Variants in POU6F2 observed in about 807,000 individuals in gnomAD.
POU6F2 encodes the protein POU class 6 homeobox 2.
POU6F2 carries 31 observed loss-of-function variants against 71.3 expected under a neutral mutation model. The ratio of observed to expected loss-of-function variants is 0.43; its 90% confidence interval spans 0.33 to 0.59. The LOEUF (loss-of-function observed/expected upper bound fraction) is 0.59. Among genes scored for constraint, POU6F2 ranks in the 20% least tolerant of loss-of-function variants. The probability of loss-of-function intolerance (pLI) is 0.04; values close to 1 mark genes in which losing one functional copy is unlikely to be tolerated. For synonymous variants in POU6F2, 347 were observed against 355.7 expected, an observed-to-expected ratio of 0.98 and a Z score of 0.27; for missense variants, 783 against 856.8, an observed-to-expected ratio of 0.91 and a Z score of 1.07.
intron 4 of POU6F2, among the ~76,000 whole-genome samples, chr7:39,219,966 C>CT (rs1794316016): frequency 1.3e-5 from 2 of 152,180 alleles, no homozygotes; most frequent in African/African-American, 4.8e-5. Flanking sequence ...AAAATTTATA[C>CT]TTCCATATAT....
At chr7:39,139,808 A>T (rs1255761419) in intron 2 of POU6F2, among the ~76,000 whole-genome samples, 1 of 152,130 alleles carries the variant, frequency 6.6e-6, no homozygotes, top group Non-Finnish European at 1.5e-5. Flanking sequence ...TGACTTCTTG[A>T]TTTGCAGATT....
intron 2 of POU6F2, among the ~76,000 whole-genome samples, chr7:39,184,702 A>C (rs979652841): frequency 6.6e-6 from 1 of 152,208 alleles, no homozygotes; most frequent in African/African-American, 2.4e-5. Flanking sequence ...ACTCTGACTT[A>C]CAAGACATTT....
intron 1 of POU6F2, among the ~76,000 whole-genome samples, chr7:38,999,499 C>A (rs1344554509): frequency 6.6e-6 from 1 of 152,116 alleles, no homozygotes; most frequent in African/African-American, 2.4e-5. Flanking sequence ...TATGTGGTGT[C>A]AACTTTCATG....
intron 2 of POU6F2, among the ~76,000 whole-genome samples, chr7:39,143,892 T>C (rs554297290): frequency 3.9e-5 from 6 of 152,286 alleles, no homozygotes; most frequent in African/African-American, 1.4e-4. Flanking sequence ...TCCTGAGAAA[T>C]CTTCAAAAGA....
chr7:39,000,182 G>A (rs781234315), intron 1 of POU6F2, among the ~76,000 whole-genome samples: 14 of 152,174 alleles, frequency 9.2e-5, no homozygotes, highest in Non-Finnish European at 1.6e-4. Flanking sequence ...GTGCCAGCAA[G>A]CATGTTTGGG....
intron 1 of POU6F2, among the ~76,000 whole-genome samples, chr7:39,045,003 C>T (rs1380516601): frequency 6.6e-6 from 1 of 151,844 alleles, no homozygotes; most frequent in Non-Finnish European, 1.5e-5. Context: ...ATCAATTTTG[C>T]AATGCTTCTT....
intron 4 of POU6F2, among the ~76,000 whole-genome samples, chr7:39,216,966 T>A (rs1794255815): frequency 6.6e-6 from 1 of 151,436 alleles, no homozygotes; most frequent in East Asian, 1.9e-4. Flanking sequence ...AGGGAGGAAA[T>A]GATAAAAGAT....
intron 5 of POU6F2, among the ~76,000 whole-genome samples, chr7:39,390,048 G>T (rs183179600): frequency 6.6e-6 from 1 of 152,266 alleles, no homozygotes; most frequent in East Asian, 1.9e-4. Flanking sequence ...TGCTACATCA[G>T]GTAGGTAGTG....
chr7:39,090,012 T>G (rs1187245724), intron 2 of POU6F2, among the ~76,000 whole-genome samples: 3 of 152,042 alleles, frequency 2.0e-5, no homozygotes, highest in Non-Finnish European at 2.9e-5. Flanking sequence ...AGCCTTGAGC[T>G]GAGATGGAAC....
chr7:39,096,572 A>G (rs573598651), intron 2 of POU6F2, among the ~76,000 whole-genome samples: 129 of 152,320 alleles, frequency 8.5e-4, no homozygotes, highest in African/African-American at 2.7e-3. Context: ...TTTTTTATCA[A>G]ATGGCCCACA....
intron 2 of POU6F2, among the ~76,000 whole-genome samples, chr7:39,188,605 G>C (rs1182505192): frequency 6.6e-6 from 1 of 152,208 alleles, no homozygotes; most frequent in Non-Finnish European, 1.5e-5. Flanking sequence ...GAGCCACCAT[G>C]CTGGGCCAGA....
chr7:39,265,390 A>G (rs2128755472), intron 4 of POU6F2, among the ~76,000 whole-genome samples: 1 of 152,328 alleles, frequency 6.6e-6, no homozygotes, highest in East Asian at 1.9e-4. Context: ...CTTCCCTCAG[A>G]GAGAAAACCA....
In POU6F2 at chr7:39,451,679, G is replaced by A; in HGVS notation, c.1467G>A (p.Leu489=). The change falls in exon 8 of 10, where the codon TTG becomes TTA. Residue 489 remains leucine, a synonymous_variant. Transcript: ENST00000518318. ...SSSSSSSSSA[L]SVGQLVSNPQ... Reference sequence around the variant, plus strand: ...CCTCATCCTCCTCTTCTTCAGCTTTGAGCGTGGGCCAGTTAGTCAGCAGTA... The same window carrying A: ...CCTCATCCTCCTCTTCTTCAGCTTTAAGCGTGGGCCAGTTAGTCAGCAGTA... The A allele has an allele frequency of 6.2e-7, 1 of 1,601,898 alleles. No homozygotes were observed. The highest frequency in any genetic ancestry group is 8.5e-7 in the Non-Finnish European group (1 of 1,174,074).
intron 4 of POU6F2, among the ~76,000 whole-genome samples, chr7:39,247,041 A>G (rs1321535070): frequency 1.3e-5 from 2 of 151,524 alleles, no homozygotes; most frequent in Non-Finnish European, 2.9e-5. Context: ...TCTGACTGAG[A>G]AACAAATTGA....
intron 2 of POU6F2, among the ~76,000 whole-genome samples, chr7:39,152,141 C>A (rs117077380): frequency 6.6e-6 from 1 of 152,050 alleles, no homozygotes; most frequent in Non-Finnish European, 1.5e-5. Context: ...AAACTGGAGT[C>A]CAAAAGTATC....
intron 1 of POU6F2, among the ~76,000 whole-genome samples, chr7:39,015,311 A>G (rs1321170022): frequency 5.8e-5 from 8 of 137,426 alleles, no homozygotes; most frequent in African/African-American, 1.1e-4. Context: ...ATATCTATAT[A>G]TAATAATAGA....
intron 6 of POU6F2, among the ~76,000 whole-genome samples, chr7:39,411,916 C>T (rs78337157): frequency 0.024 from 3,580 of 152,322 alleles, 81 homozygotes; most frequent in Middle Eastern, 0.051. Flanking sequence ...GGAAGGCCAT[C>T]CCAATGTCAT....
At chr7:39,350,137 C>G (rs1048608431) in intron 5 of POU6F2, among the ~76,000 whole-genome samples, 1 of 151,988 alleles carries the variant, frequency 6.6e-6, no homozygotes, top group Admixed American at 6.6e-5. Context: ...AGCCCAGCAC[C>G]TCCACTTAGT....
chr7:39,439,184 G>GT (rs61692037), intron 7 of POU6F2, among the ~76,000 whole-genome samples: 48,258 of 148,278 alleles, frequency 0.33, 8,403 homozygotes, highest in East Asian at 0.52. Flanking sequence ...GCAACCCCTG[G>GT]TTTTTTTTTT....
Sources: allele counts gnomAD v4.1 joint callset (sites outside exome capture counted in the v4.1 genomes callset), GRCh38; gene constraint gnomAD v4.1.1; transcripts MANE v1.5; gene names NCBI Gene and HGNC (gene_info 2026-07-23, HGNC 2026-07-21).